ADARB2: variants seen among roughly 807,000 people sequenced by gnomAD.
ADARB2 encodes the protein inactive double-stranded RNA-specific editase B2.
A neutral mutation model predicts 62.2 loss-of-function variants in ADARB2; 25 were observed. The observed-to-expected ratio is 0.40, with a 90% CI of 0.29 to 0.56. The LOEUF (loss-of-function observed/expected upper bound fraction) is 0.56. Among genes scored for constraint, ADARB2 ranks in the 20% least tolerant of loss-of-function variants. The pLI, the probability that ADARB2 is intolerant of heterozygous loss-of-function variation, is 0.43. For synonymous variants in ADARB2, 572 were observed against 500.8 expected (o/e 1.14, Z -1.90); for missense variants, 1,071 against 1,077.4 (o/e 0.99, Z 0.08).
At chr10:1,677,611 A>G (rs1834483312) in intron 1 of ADARB2, among the ~76,000 whole-genome samples, 1 of 152,178 alleles carries the variant, frequency 6.6e-6, no homozygotes, top group Non-Finnish European at 1.5e-5. Flanking sequence ...CTGCTGGTGC[A>G]TCATGGATTT....
chr10:1,576,166 GGT>G (rs1833018293), intron 1 of ADARB2, among the ~76,000 whole-genome samples: 1 of 72,376 alleles, frequency 1.4e-5, no homozygotes, highest in Non-Finnish European at 2.9e-5. Context: ...ACAGGAGGGG[GGT>G]TCAGGGTCAC....
At chr10:1,275,973 G>C (rs1020496401) in intron 3 of ADARB2, among the ~76,000 whole-genome samples, 1 of 152,034 alleles carries the variant, frequency 6.6e-6, no homozygotes, top group Non-Finnish European at 1.5e-5. Flanking sequence ...ACATACGTGT[G>C]CATGTGTCTT....
intron 7 of ADARB2, among the ~76,000 whole-genome samples, chr10:1,208,162 G>C (rs921063225): frequency 6.6e-6 from 1 of 152,228 alleles, no homozygotes; most frequent in African/African-American, 2.4e-5. Context: ...TAGGATTTTA[G>C]GAATCGAGTT....
rs141429172 is a variant in ADARB2, at chr10:1,632,228, G to A, written c.100+104823C>T. Among the ~76,000 whole-genome samples the A allele has an allele frequency of 2.1e-3, 325 of 152,066 alleles. 9 individuals carry two copies. In the East Asian group the frequency reaches 0.056, roughly 26 times the overall value. On this transcript the variant is annotated intron_variant, in intron 1 of 9. Transcript: ENST00000381312. ...CAACTTCATAAACACACTTGTGCAG[G>A]CATGTGCACATTACACACACATGCC...
chr10:1,607,719 G>A (rs1446641255), intron 1 of ADARB2, among the ~76,000 whole-genome samples: 11 of 152,204 alleles, frequency 7.2e-5, no homozygotes, highest in Non-Finnish European at 1.6e-4. Flanking sequence ...TCCAGGCAGG[G>A]GACGTCACAC....
chr10:1,351,174 G>A (rs1173000647), intron 3 of ADARB2, among the ~76,000 whole-genome samples: 1 of 152,180 alleles, frequency 6.6e-6, no homozygotes, highest in Admixed American at 6.5e-5. Context: ...CTGGCCCAAG[G>A]CTCTCTGACT....
chr10:1,591,643 A>C lies in ADARB2; in HGVS notation c.100+145408T>G, dbSNP rs984159441. Among the ~76,000 whole-genome samples the C allele has an allele frequency of 1.7e-4, 18 of 108,584 alleles. No individual in the cohort carries two copies. In the Middle Eastern group the frequency reaches 0.013, roughly 77 times the overall value. 71.2% of individuals were successfully genotyped at this position (108,584 alleles called of 152,430 possible). A position where few individuals can be genotyped will look rare whatever the true frequency, so the allele number is the denominator to read the frequency against. On this transcript the variant is annotated intron_variant, in intron 1 of 9. Coordinates refer to ENST00000381312, the MANE Select transcript of ADARB2 (RefSeq NM_018702.4). ...TTCCCTGTCTCTGAATCTCTCTTACACACAGAGGCGTGCACGCACACACAC... is the reference window on the plus strand; with the variant it reads ...TTCCCTGTCTCTGAATCTCTCTTACCCACAGAGGCGTGCACGCACACACAC...
intron 1 of ADARB2, among the ~76,000 whole-genome samples, chr10:1,444,795 A>G (rs2131897767): frequency 7.1e-6 from 1 of 140,264 alleles, no homozygotes; most frequent in South Asian, 2.3e-4. Context: ...CCATCCACCC[A>G]CTCATTCATT....
Position 1,433,494 on chromosome 10 carries a change from A to T in ADARB2, c.101-54334T>A, listed in dbSNP as rs775290926. ...CTCCTGCAACCCTCATCACCTCCTT[A>T]CAAAAGGAATCAGTCCGGCTTCCCA... is the stretch of plus-strand genomic sequence containing the variant. On this transcript the variant is annotated intron_variant, in intron 1 of 9. Transcript: ENST00000381312. Among the ~76,000 whole-genome samples the T allele has an allele frequency of 1.0e-3, 157 of 152,304 alleles. 4 individuals carry two copies. The highest frequency in any genetic ancestry group is 1.2e-3 in the Admixed American group (19 of 15,292).
intron 3 of ADARB2, among the ~76,000 whole-genome samples, chr10:1,308,368 G>T (rs1394942376): frequency 6.6e-6 from 1 of 152,162 alleles, no homozygotes; most frequent in Non-Finnish European, 1.5e-5. Context: ...TCCATTTTCT[G>T]GATGGATGAG....
chr10:1,270,839 T>G (rs971567871), intron 4 of ADARB2, 116 bp downstream of exon 4: 5 of 879,608 alleles, frequency 5.7e-6, no homozygotes, highest in South Asian at 3.3e-5. Context: ...TATTTTGTCT[T>G]TCTTTGTCAC....
chr10:1,188,017 A>T (rs1194346283), intron 8 of ADARB2: 2 of 179,008 alleles, frequency 1.1e-5, no homozygotes, highest in Admixed American at 1.1e-4. Flanking sequence ...ACCCAGGAGC[A>T]ATCTTCAATA....
chr10:1,686,431 G>A (rs1021643809), intron 1 of ADARB2, among the ~76,000 whole-genome samples: 3 of 152,250 alleles, frequency 2.0e-5, no homozygotes, highest in African/African-American at 4.8e-5. Flanking sequence ...GCAAGCTCTT[G>A]CAATCAGGAA....
chr10:1,429,180 C>T (rs961709351), intron 1 of ADARB2, among the ~76,000 whole-genome samples: 1 of 152,192 alleles, frequency 6.6e-6, no homozygotes, highest in African/African-American at 2.4e-5. Context: ...ATGCCTCTTA[C>T]AATGGCATGT....
chr10:1,202,830 C>T (rs535763808), intron 7 of ADARB2, among the ~76,000 whole-genome samples: 4 of 152,346 alleles, frequency 2.6e-5, no homozygotes, highest in East Asian at 3.9e-4. Flanking sequence ...CTGGAAGAGA[C>T]GCCTCCGTGT....
intron 2 of ADARB2, among the ~76,000 whole-genome samples, chr10:1,372,615 G>T (rs1832383156): frequency 6.6e-6 from 1 of 152,172 alleles, no homozygotes; most frequent in Non-Finnish European, 1.5e-5. Flanking sequence ...ACAGGGTGGT[G>T]CCAGGGATTT....
At chr10:1,624,727 CA>C (rs1162841343) in intron 1 of ADARB2, among the ~76,000 whole-genome samples, 1 of 152,120 alleles carries the variant, frequency 6.6e-6, no homozygotes, top group Non-Finnish European at 1.5e-5. Flanking sequence ...TACTACTTGA[CA>C]GCATAATTAC....
At chr10:1,342,397 T>G (rs1832038159) in intron 3 of ADARB2, among the ~76,000 whole-genome samples, 1 of 152,220 alleles carries the variant, frequency 6.6e-6, no homozygotes, top group African/African-American at 2.4e-5. Flanking sequence ...CGCTTGGTTG[T>G]CTGCTCACAT....
intron 1 of ADARB2, among the ~76,000 whole-genome samples, chr10:1,577,890 AGAG>A: frequency 1.3e-5 from 2 of 152,342 alleles, no homozygotes; most frequent in South Asian, 4.1e-4. Flanking sequence ...CCTTATAAAA[AGAG>A]GAGATGAGGA....
Sources: allele counts gnomAD v4.1 joint callset (sites outside exome capture counted in the v4.1 genomes callset), GRCh38; gene constraint gnomAD v4.1.1; transcripts MANE v1.5; gene names NCBI Gene and HGNC (gene_info 2026-07-23, HGNC 2026-07-21).